PIBF1: variants seen among roughly 807,000 people sequenced by gnomAD.
PIBF1 encodes progesterone immunomodulatory binding factor 1, also known as progesterone-induced-blocking factor 1.
PIBF1 carries 90 observed loss-of-function variants against 112.5 expected under a neutral mutation model. That is an observed-to-expected ratio of 0.80 (90% CI 0.67 to 0.95). PIBF1 has a LOEUF of 0.95. PIBF1 is among the 40% of genes least tolerant of loss of function. The probability of loss-of-function intolerance (pLI) is 0.00; values close to 1 mark genes in which losing one functional copy is unlikely to be tolerated. For synonymous variants in PIBF1, 301 were observed against 288.6 expected, an observed-to-expected ratio of 1.04 and a Z score of -0.44; for missense variants, 915 against 852.3, an observed-to-expected ratio of 1.07 and a Z score of -0.92.
chr13:72,827,138 C>G lies in PIBF1; in HGVS notation c.915+20C>G. 1 of 1,290,390 alleles carries G rather than the reference C, an allele frequency of 7.7e-7. No individual in the cohort carries two copies. Among genetic ancestry groups the G allele is most frequent in the Non-Finnish European group, 1.1e-6 (1 of 910,580 alleles). 79.9% of individuals were successfully genotyped at this position (1,290,390 alleles called of 1,614,324 possible). On this transcript the variant is annotated intron_variant, in intron 7 of 17. Transcript: ENST00000326291. ...AAAGAGGTAAGCTTATAATTAGAGT[C>G]ACTTATATTATATAGCATAGTATTA...
intron 15 of PIBF1, among the ~76,000 whole-genome samples, chr13:72,967,254 A>G (rs1193791246): frequency 1.3e-5 from 2 of 152,084 alleles, no homozygotes; most frequent in Non-Finnish European, 2.9e-5. Context: ...AATCTTTTAT[A>G]TGTCTTATTT....
chr13:72,974,516 A>G (rs928800690), intron 16 of PIBF1, among the ~76,000 whole-genome samples: 4 of 152,138 alleles, frequency 2.6e-5, no homozygotes, highest in African/African-American at 9.7e-5. Context: ...CAATTCATAT[A>G]TATTGTTGCA....
At chr13:72,821,698 G>A (rs2036562860) in intron 5 of PIBF1, 151 bp from the exon 6 acceptor site, 1 of 521,864 alleles carries the variant, frequency 1.9e-6, no homozygotes, top group African/African-American at 2.0e-5. Flanking sequence ...CCTTTGAATA[G>A]GGAAAAATTA....
intron 16 of PIBF1, among the ~76,000 whole-genome samples, chr13:72,991,949 A>T (rs1469085397): frequency 6.6e-6 from 1 of 152,048 alleles, no homozygotes; most frequent in African/African-American, 2.4e-5. Flanking sequence ...TGATCTCCTG[A>T]CCTCGTGATC....
chr13:72,914,593 C>A (rs1369906044), intron 12 of PIBF1, among the ~76,000 whole-genome samples: 1 of 152,086 alleles, frequency 6.6e-6, no homozygotes, highest in East Asian at 1.9e-4. Context: ...CTAGTAATTT[C>A]TATAGTTAGA....
chr13:72,847,925 ATAAAT>A (rs2037946680), intron 9 of PIBF1, among the ~76,000 whole-genome samples: 1 of 152,234 alleles, frequency 6.6e-6, no homozygotes, highest in South Asian at 2.1e-4. Context: ...GGTAGAGATG[ATAAAT>A]TCAAACACTT....
chr13:72,794,175 A>G (rs775301669), intron 3 of PIBF1, among the ~76,000 whole-genome samples: 21 of 152,370 alleles, frequency 1.4e-4, no homozygotes, highest in East Asian at 9.6e-4. Context: ...AAGCTCTATC[A>G]TTAGATCATG....
chr13:72,885,904 ACT>A (rs2039831147), intron 10 of PIBF1, among the ~76,000 whole-genome samples: 1 of 152,024 alleles, frequency 6.6e-6, no homozygotes, highest in South Asian at 2.1e-4. Context: ...AAGACCCATG[ACT>A]CTGGTTGCTG....
At chr13:72,968,945 G>GT (rs2042821633) in intron 15 of PIBF1, among the ~76,000 whole-genome samples, 1 of 152,008 alleles carries the variant, frequency 6.6e-6, no homozygotes, top group African/African-American at 2.4e-5. Context: ...GGAGGCTGAG[G>GT]TGGGAGGATG....
intron 10 of PIBF1, among the ~76,000 whole-genome samples, chr13:72,873,959 T>C (rs564593839): frequency 1.3e-5 from 2 of 152,256 alleles, no homozygotes; most frequent in South Asian, 4.1e-4. Flanking sequence ...TTCATGAAAG[T>C]AGAAATACAG....
chr13:72,886,407 A>G (rs539122546), intron 10 of PIBF1, among the ~76,000 whole-genome samples: 2 of 151,056 alleles, frequency 1.3e-5, no homozygotes, highest in South Asian at 4.2e-4. Flanking sequence ...AACAGACCCA[A>G]TCAGACCTAG....
chr13:72,848,840 A>C (rs2037996429), intron 9 of PIBF1, among the ~76,000 whole-genome samples: 1 of 152,110 alleles, frequency 6.6e-6, no homozygotes, highest in South Asian at 2.1e-4. Flanking sequence ...TCAAAAAAAA[A>C]AAAAAAGAAC....
rs759201005 is a variant in PIBF1, at chr13:73,015,870, C to T, written c.2225C>T (p.Thr742Ile). 35 of 1,564,088 alleles carry T rather than the reference C, an allele frequency of 2.2e-5. No individual in the cohort carries two copies. The highest frequency in any genetic ancestry group is 3.0e-5 in the Non-Finnish European group (35 of 1,151,584). The change falls in exon 18 of 18, where the codon ACT becomes ATT. Residue 742 changes from threonine to isoleucine, a missense_variant and splice_region_variant. Coordinates refer to ENST00000326291, the MANE Select transcript of PIBF1 (RefSeq NM_006346.4). ...NIFTPKPTLF[T>I]KKEAPEWSKK... ...TTTTCTTTTTCTTTTTTTAAACAGA[C>T]TAAAAAAGAAGCACCTGAGTGGTCT...
chr13:72,989,657 T>A (rs1174647780), intron 16 of PIBF1, among the ~76,000 whole-genome samples: 2 of 152,194 alleles, frequency 1.3e-5, no homozygotes, highest in Non-Finnish European at 2.9e-5. Context: ...TTTTTGTTTT[T>A]TGTTTCTTTT....
intron 10 of PIBF1, among the ~76,000 whole-genome samples, chr13:72,863,572 G>A (rs1411241056): frequency 6.6e-6 from 1 of 151,474 alleles, no homozygotes; most frequent in African/African-American, 2.4e-5. Flanking sequence ...GCAGGAGAAT[G>A]GCGTGAACCC....
At chr13:72,793,783 A>C (rs1240051208) in intron 3 of PIBF1, among the ~76,000 whole-genome samples, 2 of 152,252 alleles carry the variant, frequency 1.3e-5, no homozygotes. Flanking sequence ...TGGCCTGAAC[A>C]AATGAAAAAA....
chr13:73,013,624 G>A (rs955157757), intron 17 of PIBF1, among the ~76,000 whole-genome samples: 2 of 150,422 alleles, frequency 1.3e-5, no homozygotes, highest in African/African-American at 4.9e-5. Context: ...ATATTCCCAG[G>A]TACTCGGAAG....
chr13:72,908,962 G>A (rs1276295927), intron 12 of PIBF1, among the ~76,000 whole-genome samples: 3 of 151,864 alleles, frequency 2.0e-5, no homozygotes, highest in African/African-American at 7.3e-5. Flanking sequence ...CAGGAGAATT[G>A]CTTGAACCCG....
intron 10 of PIBF1, among the ~76,000 whole-genome samples, chr13:72,866,348 T>C (rs1474680496): frequency 1.3e-5 from 2 of 152,218 alleles, no homozygotes; most frequent in South Asian, 4.1e-4. Flanking sequence ...CTACCACATA[T>C]ACCTTTTAAT....
Sources: allele counts gnomAD v4.1 joint callset (sites outside exome capture counted in the v4.1 genomes callset), GRCh38; gene constraint gnomAD v4.1.1; transcripts MANE v1.5; gene names NCBI Gene and HGNC (gene_info 2026-07-23, HGNC 2026-07-21).